The following GATA6 variants were observed in gnomAD, a reference collection of about 807,000 sequenced individuals.
GATA6 encodes the protein transcription factor GATA-6.
In GATA6, 11 loss-of-function variants were observed where a neutral mutation model predicts 48.1. The ratio of observed to expected loss-of-function variants is 0.23; its 90% confidence interval spans 0.14 to 0.38. GATA6 has a LOEUF of 0.38. GATA6 is among the 10% of genes least tolerant of loss of function. The pLI is 1.00. For synonymous variants in GATA6, 419 were observed against 396.1 expected (o/e 1.06, Z -0.69); for missense variants, 795 against 850.3 (o/e 0.93, Z 0.81).
chr18:22,201,283 G>T lies in GATA6; in HGVS notation c.*460G>T. ...GGCCATTTGGTACACATCTCTGGAG[G>T]CTGAGTCGGTTCATGAGGTCTCTTA... On this transcript the variant is annotated 3_prime_UTR_variant, in exon 7 of 7. Coordinates refer to ENST00000269216, the MANE Select transcript of GATA6 (RefSeq NM_005257.6). 1 of 183,530 alleles carries T rather than the reference G, an allele frequency of 5.4e-6. No homozygotes were observed. The highest frequency in any genetic ancestry group is 1.3e-4 in the East Asian group (1 of 7,698). The allele number at this position is 183,530 out of a possible 1,614,324, so 11.4% of individuals were successfully genotyped here. A position where few individuals can be genotyped will look rare whatever the true frequency, so the allele number is the denominator to read the frequency against.
At chr18:22,190,738 C>T (rs750438450) in intron 6 of GATA6, among the ~76,000 whole-genome samples, 2 of 152,170 alleles carry the variant, frequency 1.3e-5, no homozygotes, top group African/African-American at 2.4e-5. Context: ...TGTTACCACT[C>T]CCAGGGAGTT....
chr18:22,187,495 ATT>A (rs1555629866), intron 6 of GATA6, among the ~76,000 whole-genome samples: 59 of 145,536 alleles, frequency 4.1e-4, no homozygotes, highest in African/African-American at 1.6e-3. Context: ...AAAAAAAAAA[ATT>A]TTTTTTCTTT....
At chr18:22,195,414 C>G (rs1436937179) in intron 6 of GATA6, among the ~76,000 whole-genome samples, 1 of 152,110 alleles carries the variant, frequency 6.6e-6, no homozygotes, top group African/African-American at 2.4e-5. Context: ...CCTCAAGTGC[C>G]TTGTGTTTCT....
chr18:22,184,789 G>A (rs1489096218), intron 6 of GATA6, among the ~76,000 whole-genome samples: 1 of 152,062 alleles, frequency 6.6e-6, no homozygotes, highest in Non-Finnish European at 1.5e-5. Context: ...ATGAGTCACC[G>A]CGCCTGGCCT....
In GATA6 at chr18:22,202,502, A is replaced by G. The variant is rs566206652; in HGVS notation, c.*1679A>G. 1.3e-5 allele frequency: 2 copies of G among 152,338 alleles called. No individual in the cohort carries two copies. The highest frequency in any genetic ancestry group is 4.8e-5 in the African/African-American group (2 of 41,592). The allele number at this position is 152,338 out of a possible 1,614,324, so 9.4% of individuals were successfully genotyped here. A position where few individuals can be genotyped will look rare whatever the true frequency, so the allele number is the denominator to read the frequency against. ...TTCAGGAAATCAGGAGGTGTTTCAC[A>G]ATACAGAATGATGGCCTTTAACTGT... is the stretch of plus-strand genomic sequence containing the variant. On this transcript the variant is annotated 3_prime_UTR_variant, in exon 7 of 7. Coordinates refer to ENST00000269216, the MANE Select transcript of GATA6 (RefSeq NM_005257.6).
Position 22,170,929 on chromosome 18 carries a change from C to T in GATA6, c.-37-179C>T, listed in dbSNP as rs1291552722. On this transcript the variant is annotated intron_variant, in intron 1 of 6. Coordinates refer to ENST00000269216, the MANE Select transcript of GATA6 (RefSeq NM_005257.6). This position sits in a 1 kb window ranked among gnomAD's most constrained non-coding sequence, Gnocchi z 6.7. ...CGGCTGCGCAGGCTCCCTTCCCCTCCCTTATTGATCTCCACGCCCGGGGCA... is the reference window on the plus strand; with the variant it reads ...CGGCTGCGCAGGCTCCCTTCCCCTCTCTTATTGATCTCCACGCCCGGGGCA... 2 of 601,276 alleles carry T rather than the reference C, an allele frequency of 3.3e-6. No individual in the cohort carries two copies. Among genetic ancestry groups the T allele is most frequent in the Admixed American group, 5.5e-5 (2 of 36,290 alleles). 37.2% of individuals were successfully genotyped at this position (601,276 alleles called of 1,614,324 possible).
rs1213988278 is a variant in GATA6 at position 22,185,601 on chromosome 18, G to C, written c.1620+2558G>C. Reference sequence around the variant, plus strand: ...TTGGCCTTGTTCCGAGGGCACACACGGCTGGTGCCTGGGCTTGCAGGGTTT... The same window carrying C: ...TTGGCCTTGTTCCGAGGGCACACACCGCTGGTGCCTGGGCTTGCAGGGTTT... On this transcript the variant is annotated intron_variant, in intron 6 of 6. Transcript: ENST00000269216. This position sits in a 1 kb window ranked among gnomAD's most constrained non-coding sequence, Gnocchi z 4.3. 6.6e-6 allele frequency among the ~76,000 whole-genome samples: 1 copy of C among 152,226 alleles called. No homozygotes were observed. The highest frequency in any genetic ancestry group is 2.4e-5 in the African/African-American group (1 of 41,456).
At chr18:22,179,964 TG>T (rs2033172295) in intron 3 of GATA6, 1 of 152,246 alleles carries the variant, frequency 6.6e-6, no homozygotes, top group Non-Finnish European at 1.5e-5. Context: ...GCAAAGGTTT[TG>T]GAAGTCTCTG....
At chr18:22,178,192 G>A (rs2033151006) in intron 3 of GATA6, among the ~76,000 whole-genome samples, 1 of 151,782 alleles carries the variant, frequency 6.6e-6, no homozygotes, top group African/African-American at 2.4e-5. Flanking sequence ...TCGAACTCCC[G>A]ATCTCATGTG....
intron 3 of GATA6, among the ~76,000 whole-genome samples, chr18:22,178,026 A>G (rs1419666199): frequency 7.8e-6 from 1 of 128,064 alleles, no homozygotes; most frequent in Non-Finnish European, 1.5e-5. Flanking sequence ...CAATGGCGCG[A>G]TCTCGGCTCA....
Position 22,171,327 on chromosome 18 carries a change from G to A in GATA6, c.183G>A (p.Gly61=), listed in dbSNP as rs377217497. The change falls in exon 2 of 7, where the codon GGG becomes GGA. Residue 61 remains glycine (G), a synonymous_variant. Transcript: ENST00000269216. The surrounding 1 kb of genome is among the most constrained non-coding windows in gnomAD (Gnocchi z 7.1). ...GCCCCGGCGGCGCCAGCAACTGCGG[G>A]ACGCCTCAGCTCGACACGGAGGCGG... ...ERGPGGASNC[G]TPQLDTEAAA... The A allele has an allele frequency of 1.8e-4, 292 of 1,588,344 alleles. 1 individual carries two copies. The highest frequency in any genetic ancestry group is 2.1e-4 in the Non-Finnish European group (250 of 1,174,208).
At chr18:22,192,815 T>G (rs2033343797) in intron 6 of GATA6, among the ~76,000 whole-genome samples, 1 of 152,246 alleles carries the variant, frequency 6.6e-6, no homozygotes, top group African/African-American at 2.4e-5. Context: ...TCCCTTGCAA[T>G]TTATATTTGT....
chr18:22,190,602 A>G (rs190014362), intron 6 of GATA6, among the ~76,000 whole-genome samples: 1 of 152,086 alleles, frequency 6.6e-6, no homozygotes. Context: ...TGAGAGAGTT[A>G]TGTGGTTAGG....
intron 6 of GATA6, among the ~76,000 whole-genome samples, chr18:22,189,483 AT>A (rs201622448): frequency 2.0e-5 from 3 of 151,368 alleles, no homozygotes; most frequent in African/African-American, 7.3e-5. Flanking sequence ...AAGTAATGGA[AT>A]TTTTTTTTGA....
intron 6 of GATA6, among the ~76,000 whole-genome samples, chr18:22,194,354 T>C (rs2033364484): frequency 1.3e-5 from 2 of 152,276 alleles, no homozygotes; most frequent in South Asian, 4.1e-4. Context: ...CAGATAAGCC[T>C]TGAATGGAAA....
intron 3 of GATA6, chr18:22,179,970 T>A (rs940006594): frequency 1.3e-5 from 2 of 152,232 alleles, no homozygotes; most frequent in African/African-American, 4.8e-5. Context: ...GTTTTGGAAG[T>A]CTCTGTCCTG....
intron 6 of GATA6, among the ~76,000 whole-genome samples, chr18:22,193,572 C>T (rs1256113687): frequency 6.6e-6 from 1 of 152,190 alleles, no homozygotes; most frequent in African/African-American, 2.4e-5. Context: ...GCCGTAAGCA[C>T]AGTCTCACTC....
chr18:22,179,647 C>A (rs1375018746), intron 3 of GATA6, among the ~76,000 whole-genome samples: 1 of 151,900 alleles, frequency 6.6e-6, no homozygotes, highest in African/African-American at 2.4e-5. Context: ...GAAAGGAATC[C>A]TTTCCTAAAA....
At chr18:22,183,137 A>C in intron 6 of GATA6, 94 bp downstream of exon 6, 1 of 973,932 alleles carries the variant, frequency 1.0e-6, no homozygotes, top group Non-Finnish European at 1.6e-6. Flanking sequence ...CAATAATCTA[A>C]ACCAACAGTT....
Sources: allele counts gnomAD v4.1 joint callset (sites outside exome capture counted in the v4.1 genomes callset), GRCh38; gene constraint gnomAD v4.1.1; non-coding constraint Gnocchi (gnomAD v3.1); transcripts MANE v1.5; gene names NCBI Gene and HGNC (gene_info 2026-07-23, HGNC 2026-07-21).